The following RPL35A variants were observed in gnomAD, a reference collection of about 807,000 sequenced individuals.
RPL35A encodes large ribosomal subunit protein eL33.
RPL35A carries 1 observed loss-of-function variant against 16.7 expected under a neutral mutation model. That is an observed-to-expected ratio of 0.06 (90% CI 0.02 to 0.28). The LOEUF (loss-of-function observed/expected upper bound fraction) is 0.28. Among genes scored for constraint, RPL35A ranks in the 10% least tolerant of loss-of-function variants. RPL35A has a pLI of 1.00. For missense variants in RPL35A, 91 were observed against 138.7 expected (o/e 0.66, Z 1.73); for synonymous variants, 58 against 47.0 (o/e 1.23, Z -0.96).
rs759584591 is a variant in RPL35A at position 197,954,003 on chromosome 3, C to G, written c.165C>G (p.Asn55Lys). 3.7e-6 allele frequency: 6 copies of G among 1,612,526 alleles called. No homozygotes were observed. Among genetic ancestry groups the G allele is most frequent in the South Asian group, 3.3e-5 (3 of 91,012 alleles). ...CTCTTCTTTCCCTTTTTAAAATCAG[C>G]AACACAGTCACTCCTGGCGGCAAAC... is the stretch of plus-strand genomic sequence containing the variant. ...KRCAYVYKAK[N>K]NTVTPGGKPN... The change falls in exon 4 of 5, where the codon AAC (asparagine) becomes AAG (lysine). Residue 55 changes from asparagine to lysine, a missense_variant and splice_region_variant. Physicochemically the swap from Asn to Lys is moderately conservative, Grantham distance 94 (BLOSUM62 0). Coordinates refer to ENST00000647248, the MANE Select transcript of RPL35A (RefSeq NM_000996.4).
intron 1 of RPL35A, 21 bp from the exon 2 acceptor site, chr3:197,950,915 A>G: frequency 6.2e-7 from 1 of 1,613,424 alleles, no homozygotes; most frequent in Non-Finnish European, 8.5e-7. Flanking sequence ...GTTTTAAACT[A>G]ATCTTTTTGT....
At chr3:197,951,058 A>G (rs896154915) in intron 2 of RPL35A, 80 bp downstream of exon 2, 2 of 1,604,696 alleles carry the variant, frequency 1.2e-6, no homozygotes, top group African/African-American at 2.7e-5. Flanking sequence ...GCAAGAAAAA[A>G]CTTAGATGTT....
intron 2 of RPL35A, 63 bp from the exon 3 acceptor site, chr3:197,951,096 G>A: frequency 1.2e-6 from 2 of 1,610,004 alleles, no homozygotes; most frequent in Non-Finnish European, 1.7e-6. Flanking sequence ...GGGTGGGGGT[G>A]ATTACAAGTC....
At chr3:197,952,352 T>C (rs1453521362) in intron 3 of RPL35A, among the ~76,000 whole-genome samples, 4 of 151,870 alleles carry the variant, frequency 2.6e-5, no homozygotes, top group Non-Finnish European at 5.9e-5. Context: ...GTATATTTAG[T>C]AGAGATGGGG....
intron 3 of RPL35A, chr3:197,951,579 C>G: frequency 2.2e-6 from 1 of 446,048 alleles, no homozygotes; most frequent in Non-Finnish European, 4.1e-6. Context: ...TCCCAAACTC[C>G]TGACCTTAGG....
chr3:197,950,353 G>A, intron 1 of RPL35A, 132 bp downstream of exon 1: 1 of 1,222,366 alleles, frequency 8.2e-7, no homozygotes, highest in Non-Finnish European at 1.0e-6. Context: ...CAAGAAGAGG[G>A]AGAACAGGAT....
chr3:197,955,273 C>CTTTTTT, intron 4 of RPL35A, among the ~76,000 whole-genome samples: 1 of 143,916 alleles, frequency 6.9e-6, no homozygotes, highest in East Asian at 2.0e-4. Flanking sequence ...TTTTCTTTTT[C>CTTTTTT]TTTTTTTTTT....
At chr3:197,954,584 G>GC (rs1720385413) in intron 4 of RPL35A, 1 of 257,570 alleles carries the variant, frequency 3.9e-6, no homozygotes, top group African/African-American at 2.3e-5. Flanking sequence ...ATCTCAGCTT[G>GC]CTGCTACCTT....
intron 4 of RPL35A, chr3:197,954,554 G>T (rs186253311): frequency 1.6e-5 from 5 of 317,394 alleles, no homozygotes; most frequent in Admixed American, 9.6e-5. Context: ...TTGTCACGCA[G>T]GCTGGAGTGC....
chr3:197,956,094 C>T lies in RPL35A; in HGVS notation c.*321C>T, dbSNP rs1006720739. The stretch of plus-strand genomic sequence containing the variant: ...CCCTTGGCCTTTGAAGTAGCTGGGA[C>T]CACAGGCTCATGCCACCATCCCTGG... On this transcript the variant is annotated 3_prime_UTR_variant, in exon 5 of 5. Coordinates refer to ENST00000647248, the MANE Select transcript of RPL35A (RefSeq NM_000996.4). 2 of 332,432 alleles carry T rather than the reference C, an allele frequency of 6.0e-6. No individual in the cohort carries two copies. The highest frequency in any genetic ancestry group is 1.2e-5 in the Non-Finnish European group (2 of 173,606). The allele number at this position is 332,432 out of a possible 1,614,324, so 20.6% of individuals were successfully genotyped here.
chr3:197,952,163 T>TTG lies in RPL35A; in HGVS notation c.164+853_164+854insGT, dbSNP rs1491241381. 6.8e-5 allele frequency among the ~76,000 whole-genome samples: 3 copies of TTG among 44,110 alleles called. No homozygotes were observed. In the East Asian group the frequency reaches 1.8e-3, roughly 27 times the overall value. 28.9% of individuals were successfully genotyped at this position (44,110 alleles called of 152,430 possible). A position where few individuals can be genotyped will look rare whatever the true frequency, so the allele number is the denominator to read the frequency against. On this transcript the variant is annotated intron_variant, in intron 3 of 4. Transcript: ENST00000647248. ...TTTGTTAATGCCTTAAAATTATGGG[T>TTG]TTTTTTTTTTTTTTTTTTTTTTTTT... is the stretch of plus-strand genomic sequence containing the variant.
In RPL35A at chr3:197,956,336, C is replaced by T. The variant is rs759920406; in HGVS notation, c.*563C>T. On this transcript the variant is annotated 3_prime_UTR_variant, in exon 5 of 5. Coordinates refer to ENST00000647248, the MANE Select transcript of RPL35A (RefSeq NM_000996.4). ...TGGAGATTATGTTGATGGGCTTTGGCAGTTCATTTGGATAGACTGGGATGA... is the reference window on the plus strand; with the variant it reads ...TGGAGATTATGTTGATGGGCTTTGGTAGTTCATTTGGATAGACTGGGATGA... The T allele has an allele frequency of 6.9e-5, 11 of 158,520 alleles. No individual in the cohort carries two copies. Among genetic ancestry groups the T allele is most frequent in the Admixed American group, 5.4e-4 (9 of 16,632 alleles). The allele number at this position is 158,520 out of a possible 1,614,324, so 9.8% of individuals were successfully genotyped here.
rs757995470 is a variant in RPL35A, at chr3:197,954,163, A to T, written c.309+16A>T. 2 of 1,613,914 alleles carry T rather than the reference A, an allele frequency of 1.2e-6. No homozygotes were observed. Among genetic ancestry groups the T allele is most frequent in the Non-Finnish European group, 1.7e-6 (2 of 1,179,910 alleles). ...AATCCGAGTGGTGAGTATGGTTTTT[A>T]GCAAAATGGACGTCTGATGAATCAG... On this transcript the variant is annotated intron_variant, in intron 4 of 4. Transcript: ENST00000647248.
At chr3:197,954,170 T>C (rs754733090) in intron 4 of RPL35A, 23 bp downstream of exon 4, 4 of 1,613,668 alleles carry the variant, frequency 2.5e-6, no homozygotes, top group Middle Eastern at 3.3e-4. Context: ...TTTAGCAAAA[T>C]GGACGTCTGA....
intron 3 of RPL35A, among the ~76,000 whole-genome samples, chr3:197,953,078 C>T (rs958382248): frequency 3.3e-5 from 5 of 152,214 alleles, no homozygotes; most frequent in African/African-American, 7.2e-5. Flanking sequence ...GGATTACAGG[C>T]GTGAGCCATC....
intron 2 of RPL35A, 22 bp downstream of exon 2, chr3:197,951,000 C>A: frequency 3.1e-6 from 5 of 1,612,394 alleles, no homozygotes; most frequent in Non-Finnish European, 3.4e-6. Context: ...AAATATAGTT[C>A]TTTATTTTTG....
chr3:197,952,160 G>A (rs548369357), intron 3 of RPL35A, among the ~76,000 whole-genome samples: 14 of 134,176 alleles, frequency 1.0e-4, no homozygotes, highest in African/African-American at 3.5e-4. Flanking sequence ...TTAAAATTAT[G>A]GGTTTTTTTT....
chr3:197,951,339 G>A, intron 3 of RPL35A, 28 bp downstream of exon 3: 1 of 1,612,424 alleles, frequency 6.2e-7, no homozygotes, highest in Non-Finnish European at 8.5e-7. Context: ...GTAGGTTTTG[G>A]GTTTTTGAGA....
intron 1 of RPL35A, 35 bp from the exon 2 acceptor site, chr3:197,950,901 C>T (rs898820165): frequency 2.5e-6 from 4 of 1,610,198 alleles, no homozygotes; most frequent in African/African-American, 2.7e-5. Flanking sequence ...ACTTGTGTGG[C>T]TTGGTTTTAA....
Sources: gnomAD v4.1 joint callset for allele counts (sites outside exome capture counted in the v4.1 genomes callset) on GRCh38, gnomAD v4.1.1 for gene constraint, MANE v1.5 for transcripts, NCBI Gene and HGNC (gene_info 2026-07-23, HGNC 2026-07-21) for gene names.